The following PUM2 variants were observed in gnomAD, a reference collection of about 807,000 sequenced individuals.
PUM2 encodes pumilio RNA binding family member 2.
In PUM2, 57 loss-of-function variants were observed where a neutral mutation model predicts 124.5. The ratio of observed to expected loss-of-function variants is 0.46; its 90% confidence interval spans 0.37 to 0.57. The LOEUF (loss-of-function observed/expected upper bound fraction) is 0.57. Ranked by LOEUF, PUM2 falls within the 20% of genes least tolerant of loss-of-function variation. The probability of loss-of-function intolerance (pLI) is 0.00; values close to 1 mark genes in which losing one functional copy is unlikely to be tolerated. For synonymous variants in PUM2, 460 were observed against 446.1 expected (o/e 1.03, Z -0.39); for missense variants, 1,065 against 1,290.6 (o/e 0.83, Z 2.68).
chr2:20,322,311 G>A (rs1205853658), intron 2 of PUM2, among the ~76,000 whole-genome samples: 2 of 152,092 alleles, frequency 1.3e-5, no homozygotes, highest in Non-Finnish European at 2.9e-5. Flanking sequence ...AGTTGTAACA[G>A]GGAGCAGAGA....
intron 13 of PUM2, 137 bp downstream of exon 13, chr2:20,278,446 A>G (rs1558531753): frequency 6.7e-6 from 5 of 744,382 alleles, no homozygotes; most frequent in East Asian, 2.7e-5. Flanking sequence ...AACTTTTTCA[A>G]AAGACTAATA....
At chr2:20,287,529 G>A (rs1285915286) in intron 10 of PUM2, among the ~76,000 whole-genome samples, 3 of 152,130 alleles carry the variant, frequency 2.0e-5, no homozygotes, top group Non-Finnish European at 4.4e-5. Context: ...CATGAGCTAG[G>A]ACTAGAGGCA....
At position 20,272,521 on chromosome 2, in the gene PUM2, C is replaced by T. The variant is rs140488877; in HGVS notation, c.1957+6062G>A. Among the ~76,000 whole-genome samples the T allele has an allele frequency of 9.0e-3, 1,371 of 152,188 alleles. 21 individuals are homozygous for T. The highest frequency in any genetic ancestry group is 0.032 in the African/African-American group (1,308 of 41,518). On this transcript the variant is annotated intron_variant, in intron 13 of 20. Transcript: ENST00000361078. ...TATTTCTGGATGCACTACTCTGTTC[C>T]GCTGTTCTATTTATTTATCCTTGTG...
chr2:20,306,402 G>T (rs896013496), intron 7 of PUM2, among the ~76,000 whole-genome samples: 1 of 152,082 alleles, frequency 6.6e-6, no homozygotes, highest in Non-Finnish European at 1.5e-5. Context: ...AGTAATAGAT[G>T]TATTAGCCTG....
chr2:20,311,720 A>T, intron 4 of PUM2, 57 bp from the exon 5 acceptor site: 2 of 1,536,280 alleles, frequency 1.3e-6, no homozygotes, highest in Non-Finnish European at 1.8e-6. Flanking sequence ...AAAAAAAGGC[A>T]CCATAAGGTG....
At position 20,285,393 on chromosome 2, in the gene PUM2, G is replaced by A. The variant is rs892817905; in HGVS notation, c.1292-1907C>T. Among the ~76,000 whole-genome samples the A allele has an allele frequency of 2.6e-5, 4 of 152,152 alleles. No homozygotes were observed. In the South Asian group the frequency reaches 8.3e-4, roughly 32 times the overall value. On this transcript the variant is annotated intron_variant, in intron 10 of 20. Transcript: ENST00000361078. ...ACTCTTGCTCCAAACCTTCCAAAGG[G>A]TTTGAAATGAAAAGCAAAGCTCTGA...
At chr2:20,269,677 A>G (rs1289514843) in intron 13 of PUM2, among the ~76,000 whole-genome samples, 1 of 152,262 alleles carries the variant, frequency 6.6e-6, no homozygotes, top group Non-Finnish European at 1.5e-5. Context: ...TAATTTTATG[A>G]CAATATGCAA....
chr2:20,330,406 TAG>T (rs1476133605), intron 1 of PUM2, among the ~76,000 whole-genome samples: 1 of 152,222 alleles, frequency 6.6e-6, no homozygotes, highest in Non-Finnish European at 1.5e-5. Flanking sequence ...TCCTTTTGAT[TAG>T]AGAGTTTGAA....
At chr2:20,281,424 G>A (rs77988950) in intron 12 of PUM2, among the ~76,000 whole-genome samples, 348 of 152,250 alleles carry the variant, frequency 2.3e-3, no homozygotes, top group African/African-American at 8.1e-3. Context: ...TGAACCAGAC[G>A]ATCAGTGACA....
intron 1 of PUM2, among the ~76,000 whole-genome samples, chr2:20,343,975 T>C (rs544767500): frequency 2.6e-5 from 4 of 152,324 alleles, no homozygotes; most frequent in African/African-American, 7.2e-5. Flanking sequence ...AGATGGAGCA[T>C]TATTGAGGCA....
At chr2:20,327,185 C>A in intron 2 of PUM2, 125 bp downstream of exon 2, 2 of 632,852 alleles carry the variant, frequency 3.2e-6, no homozygotes, top group Admixed American at 3.2e-5. Context: ...AAATTTAAAC[C>A]CCTCCATATA....
chr2:20,258,390 C>T lies in PUM2; in HGVS notation c.2356-19G>A. The T allele has an allele frequency of 1.2e-6, 2 of 1,607,900 alleles. No individual in the cohort carries two copies. The highest frequency in any genetic ancestry group is 1.7e-6 in the Non-Finnish European group (2 of 1,176,302). ...TCCCAAACTGACAGAAAAGATATAA[C>T]ATTAATAACAAGTGACCTTAATATT... On this transcript the variant is annotated intron_variant, in intron 15 of 20. Transcript: ENST00000361078.
chr2:20,251,683 T>C lies in PUM2; in HGVS notation c.3097A>G (p.Thr1033Ala). ...RPHITTLRKYTYGKHILAKLE... is the reference protein window; with the variant it reads ...RPHITTLRKYAYGKHILAKLE... Reference sequence around the variant, plus strand: ...TTGGCCAGTATATGCTTCCCGTATGTGTATTTGCGCAAAGTAGTAATGTGA... The same window carrying C: ...TTGGCCAGTATATGCTTCCCGTATGCGTATTTGCGCAAAGTAGTAATGTGA... Residue 1033 changes from threonine to alanine, a missense_variant, in exon 21 of 21, where the codon ACA (threonine) becomes GCA (alanine). Coordinates refer to ENST00000361078, the MANE Select transcript of PUM2 (RefSeq NM_015317.5). The C allele has an allele frequency of 6.2e-7, 1 of 1,613,654 alleles. No individual in the cohort carries two copies. The highest frequency in any genetic ancestry group is 8.5e-7 in the Non-Finnish European group (1 of 1,179,618).
intron 1 of PUM2, among the ~76,000 whole-genome samples, chr2:20,328,207 G>A (rs1231988251): frequency 3.9e-5 from 6 of 152,114 alleles, no homozygotes; most frequent in Non-Finnish European, 8.8e-5. Context: ...GCGGTGGCAC[G>A]CGTTTGTAGT....
In PUM2 at chr2:20,266,762, C is replaced by G. The variant is rs567475051; in HGVS notation, c.1958-3302G>C. ...AAGGTCATAAAAAACAGAAACAGTT[C>G]GAGATTAAAGAAAAGAGCAGTGATG... is the stretch of plus-strand genomic sequence containing the variant. On this transcript the variant is annotated intron_variant, in intron 13 of 20. Transcript: ENST00000361078. Among the ~76,000 whole-genome samples the G allele has an allele frequency of 1.9e-3, 288 of 152,100 alleles. 4 individuals are homozygous for G. The highest frequency in any genetic ancestry group is 6.6e-3 in the African/African-American group (273 of 41,480).
At chr2:20,300,507 G>C (rs962617123) in intron 7 of PUM2, among the ~76,000 whole-genome samples, 1 of 151,116 alleles carries the variant, frequency 6.6e-6, no homozygotes, top group African/African-American at 2.4e-5. Flanking sequence ...ATGGTTGCTG[G>C]GGGCCTTAGA....
In PUM2 at chr2:20,334,025, CAGA is replaced by C. The variant is rs1685473357; in HGVS notation, c.-18-6650_-18-6648del. ...GATTCTAAGTTTCCCGAGGCCTCCCCAGAAGTAGAAGCCACTATGCTTTCTGTA... is the reference window on the plus strand; with the variant it reads ...GATTCTAAGTTTCCCGAGGCCTCCCCAGTAGAAGCCACTATGCTTTCTGTA... On this transcript the variant is annotated intron_variant, in intron 1 of 20. Coordinates refer to ENST00000361078, the MANE Select transcript of PUM2 (RefSeq NM_015317.5). Among the ~76,000 whole-genome samples, 4 of 152,266 alleles carry C rather than the reference CAGA, an allele frequency of 2.6e-5. No homozygotes were observed. The South Asian group carries it at 8.3e-4, about 32-fold the overall frequency.
chr2:20,274,957 CA>C lies in PUM2; in HGVS notation c.1957+3625del, dbSNP rs774985208. Among the ~76,000 whole-genome samples the C allele has an allele frequency of 3.6e-3, 113 of 31,424 alleles. 15 individuals are homozygous for C. The East Asian group carries it at 0.066, about 18-fold the overall frequency. 20.6% of individuals were successfully genotyped at this position (31,424 alleles called of 152,430 possible). A position where few individuals can be genotyped will look rare whatever the true frequency, so the allele number is the denominator to read the frequency against. On this transcript the variant is annotated intron_variant, in intron 13 of 20. Transcript: ENST00000361078. ...TTCTTCACAACAAGTGAAGTATCTC[CA>C]AAAAAAAAAAAAAAAAGATGCTTAC...
chr2:20,325,009 T>G (rs572651653), intron 2 of PUM2, among the ~76,000 whole-genome samples: 2 of 149,230 alleles, frequency 1.3e-5, no homozygotes, highest in African/African-American at 4.9e-5. Flanking sequence ...TTTATTCCAA[T>G]GAATGAATTC....
Sources: allele counts gnomAD v4.1 joint callset (sites outside exome capture counted in the v4.1 genomes callset), GRCh38; gene constraint gnomAD v4.1.1; transcripts MANE v1.5; gene names NCBI Gene and HGNC (gene_info 2026-07-23, HGNC 2026-07-21).